The following EPB41L2 variants were observed in gnomAD, a reference collection of about 807,000 sequenced individuals.
EPB41L2 encodes the protein band 4.1-like protein 2.
In EPB41L2, 43 loss-of-function variants were observed where a neutral mutation model predicts 113.0. The observed-to-expected ratio is 0.38, with a 90% CI of 0.30 to 0.49. The LOEUF is 0.49. EPB41L2 is among the 20% of genes least tolerant of loss of function. EPB41L2 has a pLI of 0.95. For synonymous variants in EPB41L2, 442 were observed against 436.7 expected (o/e 1.01, Z -0.15); for missense variants, 1,147 against 1,223.4 (o/e 0.94, Z 0.93).
In EPB41L2 at chr6:130,910,831, C is replaced by T. The variant is rs189865946; in HGVS notation, c.811-1968G>A. 1.2e-3 allele frequency among the ~76,000 whole-genome samples: 187 copies of T among 152,356 alleles called. 1 individual carries two copies. The highest frequency in any genetic ancestry group is 2.3e-3 in the Non-Finnish European group (155 of 68,048). ...AATCAAATCCACAATGAGACACCAT[C>T]TCACGCCAGTTAGAATGGCGATCGT... On this transcript the variant is annotated intron_variant, in intron 4 of 19. Transcript: ENST00000337057.
At chr6:130,996,148 T>TGG (rs1783050511) in intron 1 of EPB41L2, among the ~76,000 whole-genome samples, 1 of 152,152 alleles carries the variant, frequency 6.6e-6, no homozygotes, top group African/African-American at 2.4e-5. Flanking sequence ...AGAACATCCA[T>TGG]ATAAAGAGTT....
intron 1 of EPB41L2, among the ~76,000 whole-genome samples, chr6:130,987,855 A>G (rs60773361): frequency 0.06 from 9,152 of 152,024 alleles, 867 homozygotes; most frequent in African/African-American, 0.2. Context: ...GCTCACACCT[A>G]TAATCCCAAT....
chr6:131,060,246 A>C (rs559782836), intron 1 of EPB41L2, among the ~76,000 whole-genome samples: 1 of 152,384 alleles, frequency 6.6e-6, no homozygotes, highest in South Asian at 2.1e-4. Context: ...TATATAAAAT[A>C]TAAACCCTAT....
chr6:131,013,147 A>G (rs928294429), intron 1 of EPB41L2, among the ~76,000 whole-genome samples: 1 of 152,210 alleles, frequency 6.6e-6, no homozygotes, highest in Non-Finnish European at 1.5e-5. Context: ...GTAGTTACAC[A>G]TATTATTTTG....
intron 1 of EPB41L2, among the ~76,000 whole-genome samples, chr6:131,050,103 T>C (rs1796232862): frequency 6.6e-6 from 1 of 151,836 alleles, no homozygotes. Context: ...CTTTGGGAGG[T>C]CAAGGAGGGC....
intron 3 of EPB41L2, among the ~76,000 whole-genome samples, chr6:130,950,425 A>G (rs1814497047): frequency 6.6e-6 from 1 of 152,198 alleles, no homozygotes. Flanking sequence ...ATGCCAATAA[A>G]TTTGTCAAAT....
intron 1 of EPB41L2, among the ~76,000 whole-genome samples, chr6:131,058,305 G>C (rs1028706887): frequency 6.6e-6 from 1 of 152,056 alleles, no homozygotes; most frequent in Non-Finnish European, 1.5e-5. Context: ...AGAAAATTCA[G>C]AAAGCCTCTG....
intron 1 of EPB41L2, among the ~76,000 whole-genome samples, chr6:131,053,001 T>C (rs1407545033): frequency 6.6e-6 from 1 of 152,068 alleles, no homozygotes; most frequent in East Asian, 1.9e-4. Context: ...GTTCAAGCGA[T>C]TCTCCTTGTC....
intron 1 of EPB41L2, among the ~76,000 whole-genome samples, chr6:131,007,567 A>G (rs1419912022): frequency 1.3e-5 from 2 of 152,180 alleles, no homozygotes; most frequent in Middle Eastern, 3.2e-3. Context: ...AGAAGAAGAT[A>G]GGAAAATGTG....
chr6:130,963,054 CACACTG>C (rs1774021099), intron 1 of EPB41L2, among the ~76,000 whole-genome samples: 1 of 152,152 alleles, frequency 6.6e-6, no homozygotes, highest in Non-Finnish European at 1.5e-5. Flanking sequence ...AGCCTGATGA[CACACTG>C]ACACACAACA....
chr6:130,914,206 G>T (rs1800257755), intron 4 of EPB41L2, among the ~76,000 whole-genome samples: 1 of 152,128 alleles, frequency 6.6e-6, no homozygotes. Context: ...GAATAAATAT[G>T]CATACAAGTA....
chr6:131,023,486 C>G (rs1478799101), intron 1 of EPB41L2, among the ~76,000 whole-genome samples: 1 of 152,014 alleles, frequency 6.6e-6, no homozygotes, highest in Non-Finnish European at 1.5e-5. Flanking sequence ...AGTTCGAGAC[C>G]AGCCTGACCA....
intron 1 of EPB41L2, among the ~76,000 whole-genome samples, chr6:130,979,708 G>A (rs1042824570): frequency 6.6e-6 from 1 of 152,128 alleles, no homozygotes; most frequent in South Asian, 2.1e-4. Context: ...GTGGTACCAT[G>A]AAGTTAGAAA....
chr6:131,049,495 A>G (rs1443453490), intron 1 of EPB41L2, among the ~76,000 whole-genome samples: 2 of 152,248 alleles, frequency 1.3e-5, no homozygotes, highest in Non-Finnish European at 2.9e-5. Flanking sequence ...ATGTTCATTT[A>G]GTAGCTTTTC....
At chr6:130,879,710 CA>C (rs1562374295) in intron 13 of EPB41L2, among the ~76,000 whole-genome samples, 4 of 148,264 alleles carry the variant, frequency 2.7e-5, no homozygotes, top group Non-Finnish European at 6.0e-5. Context: ...CCAAAAAAAA[CA>C]AAAAAAGTGG....
intron 15 of EPB41L2, chr6:130,868,274 AGT>A (rs1257818951): frequency 1.3e-5 from 2 of 152,390 alleles, no homozygotes; most frequent in Non-Finnish European, 2.9e-5. Flanking sequence ...TAAAATTTGC[AGT>A]GTTTCTTCTG....
Position 130,863,644 on chromosome 6 carries a change from A to G in EPB41L2, c.2904T>C (p.His968=). 6.2e-7 allele frequency: 1 copy of G among 1,609,432 alleles called. No homozygotes were observed. The highest frequency in any genetic ancestry group is 8.5e-7 in the Non-Finnish European group (1 of 1,176,004). The stretch of plus-strand genomic sequence containing the variant: ...TAGAACTTAACTTATTTACCTGGTC[A>G]TGATCAATATCTCCATCTCCTGTGA... ...IVITGDGDID[H]DQALAQAIRE... is the part of the protein sequence containing the mutation. The change falls in exon 18 of 20, where the codon CAT becomes CAC. Residue 968 remains histidine (H), a synonymous_variant. Coordinates refer to ENST00000337057, the MANE Select transcript of EPB41L2 (RefSeq NM_001431.4).
chr6:131,023,756 G>GATATAT (rs1379644607), intron 1 of EPB41L2, among the ~76,000 whole-genome samples: 1 of 44,726 alleles, frequency 2.2e-5, no homozygotes, highest in African/African-American at 1.2e-4. Context: ...TCTATATATA[G>GATATAT]ATATATAGAT....
chr6:130,985,234 C>T lies in EPB41L2; in HGVS notation c.-14-28735G>A, dbSNP rs190513491. On this transcript the variant is annotated intron_variant, in intron 1 of 19. Coordinates refer to ENST00000337057, the MANE Select transcript of EPB41L2 (RefSeq NM_001431.4). ...CAATTGAATGTTGTCTTTTCCAATA[C>T]TACCTTTGGCCTGCTCCTCCCCCAC... Among the ~76,000 whole-genome samples, 230 of 152,274 alleles carry T rather than the reference C, an allele frequency of 1.5e-3. 2 individuals are homozygous for T. Among genetic ancestry groups the T allele is most frequent in the African/African-American group, 5.2e-3 (214 of 41,536 alleles).
Sources: gnomAD v4.1 joint callset for allele counts (sites outside exome capture counted in the v4.1 genomes callset) on GRCh38, gnomAD v4.1.1 for gene constraint, MANE v1.5 for transcripts, NCBI Gene and HGNC (gene_info 2026-07-23, HGNC 2026-07-21) for gene names.